Variants in RBFOX1 observed in about 807,000 individuals in gnomAD.
RBFOX1 encodes RNA binding protein fox-1 homolog 1.
A neutral mutation model predicts 57.7 loss-of-function variants in RBFOX1; 8 were observed. The observed-to-expected ratio is 0.14, with a 90% confidence interval of 0.08 to 0.25. The LOEUF (loss-of-function observed/expected upper bound fraction) is 0.25. Ranked by LOEUF, RBFOX1 falls within the 10% of genes least tolerant of loss-of-function variation. The pLI is 1.00. For missense variants in RBFOX1, 611 were observed against 548.5 expected, an observed-to-expected ratio of 1.11 and a Z score of -1.14; for synonymous variants, 326 against 222.4, an observed-to-expected ratio of 1.47 and a Z score of -4.15.
At chr16:6,574,898 C>T (rs1229905171) in intron 2 of RBFOX1, among the ~76,000 whole-genome samples, 56 of 151,114 alleles carry the variant, frequency 3.7e-4, no homozygotes, top group African/African-American at 1.3e-3. Context: ...ATTTGGCAGG[C>T]GTGGTGGCGG....
intron 3 of RBFOX1, among the ~76,000 whole-genome samples, chr16:5,646,285 A>G (rs908241895): frequency 1.3e-5 from 2 of 149,326 alleles, no homozygotes; most frequent in African/African-American, 4.9e-5. Flanking sequence ...TCGGCCTCCC[A>G]AAGTGCTGGG....
At chr16:6,644,455 T>C (rs554260484) in intron 2 of RBFOX1, among the ~76,000 whole-genome samples, 6 of 152,330 alleles carry the variant, frequency 3.9e-5, no homozygotes, top group Admixed American at 3.9e-4. Flanking sequence ...AGTAATCAAT[T>C]TCTCAGTTGA....
chr16:6,882,769 G>A (rs937172064), intron 3 of RBFOX1, among the ~76,000 whole-genome samples: 5 of 151,908 alleles, frequency 3.3e-5, no homozygotes, highest in Non-Finnish European at 7.4e-5. Flanking sequence ...AGCCAGAAAC[G>A]CAAGACCAGG....
intron 5 of RBFOX1, among the ~76,000 whole-genome samples, chr16:7,552,948 A>T (rs2087045846): frequency 6.6e-6 from 1 of 151,924 alleles, no homozygotes; most frequent in Admixed American, 6.6e-5. Flanking sequence ...CTCCCAAAGC[A>T]CTGGGATTAC....
intron 3 of RBFOX1, among the ~76,000 whole-genome samples, chr16:6,858,137 T>C (rs1460763632): frequency 6.6e-6 from 1 of 152,212 alleles, no homozygotes; most frequent in Non-Finnish European, 1.5e-5. Context: ...ATACAGTTAT[T>C]AACGTGACTG....
intron 4 of RBFOX1, among the ~76,000 whole-genome samples, chr16:7,477,860 G>C (rs960364908): frequency 3.9e-5 from 6 of 152,190 alleles, no homozygotes; most frequent in African/African-American, 1.2e-4. Context: ...GATAATATCA[G>C]AGGGCTTTGC....
chr16:6,857,122 C>G (rs1453365286), intron 3 of RBFOX1, among the ~76,000 whole-genome samples: 1 of 152,148 alleles, frequency 6.6e-6, no homozygotes, highest in African/African-American at 2.4e-5. Context: ...ACACAAATCT[C>G]TGTAGAGTGA....
In RBFOX1 at chr16:5,467,790, G is replaced by T. The variant is rs148041578; in HGVS notation, c.258+536G>T. Among the ~76,000 whole-genome samples, 353 of 152,342 alleles carry T rather than the reference G, an allele frequency of 2.3e-3. 4 individuals carry two copies. The highest frequency in any genetic ancestry group is 7.9e-3 in the African/African-American group (328 of 41,576). ...AATGAAGCCACATGGCCCTTGGATA[G>T]AGGAAGTAAGATTTTTATTTCCTCC... On this transcript the variant is annotated intron_variant, in intron 2 of 2. Coordinates refer to the RBFOX1 transcript ENST00000585867.
chr16:5,283,953 T>C (rs1275878016), intron 1 of RBFOX1, among the ~76,000 whole-genome samples: 1 of 152,036 alleles, frequency 6.6e-6, no homozygotes, highest in African/African-American at 2.4e-5. Flanking sequence ...TTTGGCTGTG[T>C]CCCCACCCAA....
At chr16:7,446,852 A>T (rs903469335) in intron 4 of RBFOX1, among the ~76,000 whole-genome samples, 2 of 111,256 alleles carry the variant, frequency 1.8e-5, no homozygotes, top group South Asian at 3.3e-4. Context: ...TCACTCTGTC[A>T]CCCAGGCTGC....
intron 1 of RBFOX1, among the ~76,000 whole-genome samples, chr16:6,271,365 A>G (rs758958619): frequency 6.6e-6 from 1 of 152,226 alleles, no homozygotes; most frequent in African/African-American, 2.4e-5. Flanking sequence ...TGGAGGTTGC[A>G]GTGAGTCGAG....
chr16:6,959,770 C>T (rs1230588523), intron 3 of RBFOX1, among the ~76,000 whole-genome samples: 3 of 152,116 alleles, frequency 2.0e-5, no homozygotes, highest in African/African-American at 4.8e-5. Context: ...AACCCCGTTT[C>T]TACCAAAAGT....
At chr16:6,654,905 A>C (rs1020193144) in intron 3 of RBFOX1, among the ~76,000 whole-genome samples, 17 of 152,158 alleles carry the variant, frequency 1.1e-4, no homozygotes, top group African/African-American at 3.6e-4. Context: ...TGTTTCAGTC[A>C]TACCCTTCTT....
chr16:6,255,357 T>G (rs1372698941), intron 1 of RBFOX1, among the ~76,000 whole-genome samples: 4 of 151,956 alleles, frequency 2.6e-5, no homozygotes, highest in Non-Finnish European at 4.4e-5. Context: ...ATAGGACAGA[T>G]GAGATGCGAA....
chr16:7,180,270 C>A (rs1032782905), intron 4 of RBFOX1, among the ~76,000 whole-genome samples: 2 of 151,954 alleles, frequency 1.3e-5, no homozygotes, highest in Admixed American at 1.3e-4. Flanking sequence ...TCTTTATGTC[C>A]TTATGTAATG....
intron 3 of RBFOX1, among the ~76,000 whole-genome samples, chr16:5,628,635 C>A (rs1032967459): frequency 6.6e-6 from 1 of 152,202 alleles, no homozygotes; most frequent in South Asian, 2.1e-4. Context: ...ACCCCAAGAA[C>A]CCACAGCTGA....
At chr16:6,413,668 C>T (rs913186336) in intron 2 of RBFOX1, among the ~76,000 whole-genome samples, 2 of 152,026 alleles carry the variant, frequency 1.3e-5, no homozygotes, top group African/African-American at 4.8e-5. Context: ...GAATGAGAGC[C>T]ATTTTGTTGG....
chr16:5,798,832 G>A (rs13335630), intron 3 of RBFOX1, among the ~76,000 whole-genome samples: 1 of 152,074 alleles, frequency 6.6e-6, no homozygotes, highest in South Asian at 2.1e-4. Context: ...CCTTTTATGG[G>A]CACTACATAA....
chr16:5,802,138 G>A (rs2151755421), intron 3 of RBFOX1, among the ~76,000 whole-genome samples: 1 of 152,254 alleles, frequency 6.6e-6, no homozygotes, highest in South Asian at 2.1e-4. Flanking sequence ...CGTTCCTGGT[G>A]AGGTTTAACT....
Sources: gnomAD v4.1 joint callset for allele counts (sites outside exome capture counted in the v4.1 genomes callset) on GRCh38, gnomAD v4.1.1 for gene constraint, MANE v1.5 for transcripts, NCBI Gene and HGNC (gene_info 2026-07-23, HGNC 2026-07-21) for gene names.